The following DPP8 variants were observed in gnomAD, a reference collection of about 807,000 sequenced individuals.
DPP8 encodes DPP VIII.
DPP8 carries 31 observed loss-of-function variants against 107.5 expected under a neutral mutation model. The ratio of observed to expected loss-of-function variants is 0.29; its 90% CI spans 0.22 to 0.39. The LOEUF (loss-of-function observed/expected upper bound fraction) is 0.39. DPP8 is among the 10% of genes least tolerant of loss of function. The pLI, the probability that DPP8 is intolerant of heterozygous loss-of-function variation, is 1.00. For missense variants in DPP8, 842 were observed against 1,076.1 expected (o/e 0.78, Z 3.04); for synonymous variants, 381 against 356.6 (o/e 1.07, Z -0.77).
At position 65,470,656 on chromosome 15, in the gene DPP8, C is replaced by T. The variant is rs376064906; in HGVS notation, c.1537-3433G>A. 2.7e-5 allele frequency among the ~76,000 whole-genome samples: 4 copies of T among 150,336 alleles called. No homozygotes were observed. In the East Asian group the frequency reaches 7.8e-4, roughly 29 times the overall value. ...GGAAAAGGCCAGGTGTGGTGGCTCA[C>T]GCCTGAAATCCTAGCACTCTGGGAG... On this transcript the variant is annotated intron_variant, in intron 12 of 19. Coordinates refer to ENST00000300141, the MANE Select transcript of DPP8 (RefSeq NM_130434.5).
chr15:65,451,178 T>C (rs916972396), intron 18 of DPP8, 68 bp from the exon 19 acceptor site: 5 of 897,360 alleles, frequency 5.6e-6, no homozygotes, highest in African/African-American at 5.0e-5. Context: ...ATTTCACTTA[T>C]TTAATCATAC....
intron 15 of DPP8, 83 bp downstream of exon 15, chr15:65,463,678 A>T: frequency 8.2e-7 from 1 of 1,226,712 alleles, no homozygotes; most frequent in South Asian, 1.4e-5. Flanking sequence ...CAAAATCTTA[A>T]ACTGACTAGA....
chr15:65,508,959 C>T (rs2070416382), intron 2 of DPP8, among the ~76,000 whole-genome samples: 1 of 152,102 alleles, frequency 6.6e-6, no homozygotes, highest in Non-Finnish European at 1.5e-5. Flanking sequence ...AGATCCTCAA[C>T]CTATGTTTCT....
At chr15:65,482,444 G>T (rs1012056322) in intron 8 of DPP8, among the ~76,000 whole-genome samples, 3 of 152,046 alleles carry the variant, frequency 2.0e-5, no homozygotes, top group Admixed American at 6.6e-5. Context: ...ACCACGCCCA[G>T]CTAATTTTTG....
At chr15:65,508,239 C>CA (rs111311984) in intron 2 of DPP8, among the ~76,000 whole-genome samples, 57 of 142,552 alleles carry the variant, frequency 4.0e-4, no homozygotes, top group African/African-American at 5.9e-4. Context: ...GACTCCGTCT[C>CA]AAAAAAAAAA....
chr15:65,485,260 T>C (rs755945275), intron 7 of DPP8, 100 bp from the exon 8 acceptor site: 5 of 921,672 alleles, frequency 5.4e-6, no homozygotes, highest in South Asian at 1.4e-5. Flanking sequence ...GAATAACGTA[T>C]AGGTCGGGTG....
chr15:65,450,974 A>C, intron 19 of DPP8, 25 bp downstream of exon 19: 1 of 1,355,186 alleles, frequency 7.4e-7, no homozygotes, highest in East Asian at 2.3e-5. Context: ...GACTGCATTT[A>C]ACTAGAAAAT....
At chr15:65,480,191 T>C (rs2066789114) in intron 10 of DPP8, 31 bp downstream of exon 10, 2 of 1,576,974 alleles carry the variant, frequency 1.3e-6, no homozygotes, top group Non-Finnish European at 1.7e-6. Flanking sequence ...TCTGAGAAAA[T>C]ATTTAAACAA....
chr15:65,502,462 G>A (rs1417753916), intron 3 of DPP8, among the ~76,000 whole-genome samples: 5 of 152,066 alleles, frequency 3.3e-5, no homozygotes, highest in East Asian at 3.9e-4. Flanking sequence ...TGGATCACCC[G>A]TGGTCAGGAG....
chr15:65,514,202 A>T (rs749471835), intron 1 of DPP8, among the ~76,000 whole-genome samples: 2 of 152,242 alleles, frequency 1.3e-5, no homozygotes, highest in Non-Finnish European at 2.9e-5. Flanking sequence ...TTCATGCTAC[A>T]GTTACCTATG....
At position 65,507,348 on chromosome 15, in the gene DPP8, A is replaced by G. The variant is rs745409252; in HGVS notation, c.267T>C (p.Ser89=). 4.4e-6 allele frequency: 7 copies of G among 1,583,700 alleles called. No homozygotes were observed. In the Admixed American group the frequency reaches 6.8e-5, roughly 15 times the overall value. The change falls in exon 3 of 20, where the codon TCT becomes TCC. Residue 89 remains serine, a synonymous_variant. Coordinates refer to ENST00000300141, the MANE Select transcript of DPP8 (RefSeq NM_130434.5). ...HSDRIYYLAM[S]GENRENTLFY... ...ACAGTGTATTTTCTCTGTTCTCACC[A>G]GACATGGCTATAGGAGAAAGCAATC...
intron 19 of DPP8, 48 bp from the exon 20 acceptor site, chr15:65,447,054 T>G: frequency 7.1e-7 from 1 of 1,404,514 alleles, no homozygotes; most frequent in Non-Finnish European, 9.6e-7. Context: ...AAGAATTTAG[T>G]AATACATCTT....
chr15:65,448,109 T>G (rs1461638847), intron 19 of DPP8, among the ~76,000 whole-genome samples: 1 of 152,148 alleles, frequency 6.6e-6, no homozygotes, highest in Non-Finnish European at 1.5e-5. Context: ...TTAAGCCAGA[T>G]GCAGTAGCCC....
chr15:65,475,394 G>A, intron 11 of DPP8: 1 of 1,548,990 alleles, frequency 6.5e-7, no homozygotes, highest in East Asian at 2.3e-5. Flanking sequence ...CTTGGCCACT[G>A]TGAGGGGTAC....
intron 2 of DPP8, among the ~76,000 whole-genome samples, chr15:65,508,484 T>C (rs949723600): frequency 2.0e-5 from 3 of 152,022 alleles, no homozygotes; most frequent in Non-Finnish European, 4.4e-5. Flanking sequence ...TATAAAAGAT[T>C]GACAGAAACA....
At chr15:65,509,402 T>G (rs965984189) in intron 2 of DPP8, among the ~76,000 whole-genome samples, 5 of 152,222 alleles carry the variant, frequency 3.3e-5, no homozygotes, top group Non-Finnish European at 7.3e-5. Flanking sequence ...ATGTCTGCCT[T>G]GGCTTTATCC....
chr15:65,499,213 T>C (rs1375652108), intron 4 of DPP8, among the ~76,000 whole-genome samples: 2 of 151,838 alleles, frequency 1.3e-5, no homozygotes, highest in Non-Finnish European at 2.9e-5. Flanking sequence ...AAGTGGGAAT[T>C]GATGCCCGTT....
At chr15:65,452,204 GC>G in intron 17 of DPP8, 102 bp from the exon 18 acceptor site, 1 of 1,365,322 alleles carries the variant, frequency 7.3e-7, no homozygotes. Context: ...TTATCCTTAA[GC>G]TTTAGCCTTA....
chr15:65,515,822 A>AAATAAGATCAAAGAAATGAT lies in DPP8; in HGVS notation c.-12+1663_-12+1664insATCATTTCTTTGATCTTATT. ...CACCAGGATAATGAAATAAGATAAG[A>AAATAAGATCAAAGAAATGAT]CTTTGATCATTAAGATGGACCATAT... On this transcript the variant is annotated intron_variant, in intron 1 of 19. Coordinates refer to ENST00000300141, the MANE Select transcript of DPP8 (RefSeq NM_130434.5). The AAATAAGATCAAAGAAATGAT allele has an allele frequency of 3.5e-6, 3 of 846,282 alleles. No homozygotes were observed. In the South Asian group the frequency reaches 5.3e-5, roughly 15 times the overall value. The allele number at this position is 846,282 out of a possible 1,614,324, so 52.4% of individuals were successfully genotyped here.
Sources: gnomAD v4.1 joint callset for allele counts (sites outside exome capture counted in the v4.1 genomes callset) on GRCh38, gnomAD v4.1.1 for gene constraint, MANE v1.5 for transcripts, NCBI Gene and HGNC (gene_info 2026-07-23, HGNC 2026-07-21) for gene names.